FAM76B: variants seen among roughly 807,000 people sequenced by gnomAD.
FAM76B encodes the protein protein FAM76B.
A neutral mutation model predicts 51.8 loss-of-function variants in FAM76B; 16 were observed. The ratio of observed to expected loss-of-function variants is 0.31; its 90% CI spans 0.21 to 0.47. The LOEUF is 0.47. Ranked by LOEUF, FAM76B falls within the 20% of genes least tolerant of loss-of-function variation. FAM76B has a pLI of 1.00. For synonymous variants in FAM76B, 166 were observed against 129.5 expected, an observed-to-expected ratio of 1.28 and a Z score of -1.91; for missense variants, 342 against 392.6, an observed-to-expected ratio of 0.87 and a Z score of 1.09.
intron 4 of FAM76B, among the ~76,000 whole-genome samples, chr11:95,785,615 T>C (rs370692352): frequency 6.6e-6 from 1 of 152,186 alleles, no homozygotes; most frequent in Non-Finnish European, 1.5e-5. Flanking sequence ...CTAAAATTGA[T>C]AGGCAACAGG....
chr11:95,787,634 T>A lies in FAM76B; in HGVS notation c.197A>T (p.Gln66Leu). The A allele has an allele frequency of 4.3e-6, 7 of 1,610,870 alleles. No homozygotes were observed. The highest frequency in any genetic ancestry group is 5.1e-6 in the Non-Finnish European group (6 of 1,177,948). ...ICKKCAQNVK[Q>L]FGTPKPCQYC... ...ATAAGACATACTTACCGTCCCAAAT[T>A]GCTTCACATTTTGAGCACACTTCTT... The change falls in exon 3 of 10, where the codon CAA becomes CTA. Residue 66 changes from glutamine to leucine, a missense_variant. Coordinates refer to ENST00000358780, the MANE Select transcript of FAM76B (RefSeq NM_144664.5).
chr11:95,779,267 AT>A, intron 7 of FAM76B: 1 of 695,122 alleles, frequency 1.4e-6, no homozygotes, highest in Non-Finnish European at 2.3e-6. Context: ...CGCTCATAAT[AT>A]TTTTAATCTA....
intron 9 of FAM76B, 45 bp downstream of exon 9, chr11:95,775,877 T>A: frequency 1.5e-6 from 2 of 1,333,204 alleles, no homozygotes; most frequent in Non-Finnish European, 1.0e-6. Flanking sequence ...ATTACTCAAG[T>A]TTAGCCCTTC....
chr11:95,778,541 A>G (rs1215782049), intron 8 of FAM76B, among the ~76,000 whole-genome samples: 3 of 151,538 alleles, frequency 2.0e-5, no homozygotes, highest in South Asian at 2.1e-4. Flanking sequence ...CTCATTTTTA[A>G]TTAGGTATTA....
At chr11:95,778,794 A>AC in intron 8 of FAM76B, 28 bp downstream of exon 8, 1 of 1,572,152 alleles carries the variant, frequency 6.4e-7, no homozygotes, top group Non-Finnish European at 8.6e-7. Context: ...CATAACTCTT[A>AC]CCAGGCTTCA....
chr11:95,784,337 A>G (rs1221251572), intron 4 of FAM76B, among the ~76,000 whole-genome samples: 2 of 152,112 alleles, frequency 1.3e-5, no homozygotes, highest in Non-Finnish European at 2.9e-5. Flanking sequence ...ACTAATAGGT[A>G]TTAGGGTTAA....
chr11:95,775,704 A>C (rs539118752), intron 9 of FAM76B: 2 of 318,108 alleles, frequency 6.3e-6, no homozygotes, highest in Non-Finnish European at 1.1e-5. Flanking sequence ...TTTAGGCAAA[A>C]GTTTTCAAGA....
chr11:95,778,202 C>A (rs1050547312), intron 8 of FAM76B, among the ~76,000 whole-genome samples: 1 of 151,548 alleles, frequency 6.6e-6, no homozygotes, highest in Non-Finnish European at 1.5e-5. Context: ...ATCCTGATTT[C>A]ATAGCACAAG....
At chr11:95,780,709 T>C (rs1052851834) in intron 5 of FAM76B, among the ~76,000 whole-genome samples, 2 of 151,990 alleles carry the variant, frequency 1.3e-5, no homozygotes, top group Non-Finnish European at 2.9e-5. Context: ...ATTTATACGA[T>C]TTAGAAGATG....
At chr11:95,788,355 T>G (rs1052092827) in intron 2 of FAM76B, 144 bp downstream of exon 2, 2 of 658,098 alleles carry the variant, frequency 3.0e-6, no homozygotes. Flanking sequence ...TCTCCCACCA[T>G]GTATAAAAGG....
chr11:95,778,675 G>A (rs1177694276), intron 8 of FAM76B, 147 bp downstream of exon 8: 3 of 928,410 alleles, frequency 3.2e-6, no homozygotes, highest in East Asian at 6.0e-5. Flanking sequence ...TTCATTAGAT[G>A]GCTTCAGGGG....
chr11:95,773,723 C>T (rs915401039), intron 9 of FAM76B, among the ~76,000 whole-genome samples: 2 of 151,276 alleles, frequency 1.3e-5, no homozygotes, highest in Admixed American at 6.6e-5. Flanking sequence ...TCCTGGTACA[C>T]AGAAGGCACT....
At position 95,770,231 on chromosome 11, in the gene FAM76B, A is replaced by G. The variant is rs1246421520; in HGVS notation, c.*1330T>C. On this transcript the variant is annotated 3_prime_UTR_variant, in exon 10 of 10. Coordinates refer to ENST00000358780, the MANE Select transcript of FAM76B (RefSeq NM_144664.5). The stretch of plus-strand genomic sequence containing the variant: ...AAACCGCTGGATCAGAATATAGTCA[A>G]TAACTTCATATAACCTATCCCACCC... 6.6e-6 allele frequency: 1 copy of G among 151,922 alleles called. No individual in the cohort carries two copies. Among genetic ancestry groups the G allele is most frequent in the Non-Finnish European group, 1.5e-5 (1 of 67,562 alleles). 9.4% of individuals were successfully genotyped at this position (151,922 alleles called of 1,614,324 possible).
At chr11:95,780,957 C>A (rs1005716088) in intron 5 of FAM76B, among the ~76,000 whole-genome samples, 1 of 151,742 alleles carries the variant, frequency 6.6e-6, no homozygotes, top group Non-Finnish European at 1.5e-5. Context: ...AAAAAACAAA[C>A]CTTAAGACTC....
Position 95,771,319 on chromosome 11 carries a change from T to C in FAM76B, c.*242A>G. 1 of 375,912 alleles carries C rather than the reference T, an allele frequency of 2.7e-6. No homozygotes were observed. Among genetic ancestry groups the C allele is most frequent in the Non-Finnish European group, 5.0e-6 (1 of 199,270 alleles). 23.3% of individuals were successfully genotyped at this position (375,912 alleles called of 1,614,324 possible). ...ACTCCTTTACAACTGTTTAATACTA[T>C]TGCTGGCAAAAAAGTTCCTGGATAT... On this transcript the variant is annotated 3_prime_UTR_variant, in exon 10 of 10. Coordinates refer to ENST00000358780, the MANE Select transcript of FAM76B (RefSeq NM_144664.5).
rs1306076648 is a variant in FAM76B, at chr11:95,789,641, A to G, written c.-163T>C. On this transcript the variant is annotated 5_prime_UTR_variant, in exon 1 of 10. Coordinates refer to ENST00000358780, the MANE Select transcript of FAM76B (RefSeq NM_144664.5). Reference sequence around the variant, plus strand: ...GCGAGAGCCCAGGGCCCCGCGGACGACGCCACCGTCTCCCTCCGCCTCCAC... The same window carrying G: ...GCGAGAGCCCAGGGCCCCGCGGACGGCGCCACCGTCTCCCTCCGCCTCCAC... 6 of 547,152 alleles carry G rather than the reference A, an allele frequency of 1.1e-5. No homozygotes were observed. The highest frequency in any genetic ancestry group is 1.6e-5 in the Non-Finnish European group (5 of 321,356). The allele number at this position is 547,152 out of a possible 1,614,324, so 33.9% of individuals were successfully genotyped here.
Position 95,789,036 on chromosome 11 carries a change from G to A in FAM76B, c.87+356C>T, listed in dbSNP as rs944687659. 33 of 1,382,590 alleles carry A rather than the reference G, an allele frequency of 2.4e-5. No homozygotes were observed. The African/African-American group carries it at 4.2e-4, about 18-fold the overall frequency. 85.6% of individuals were successfully genotyped at this position (1,382,590 alleles called of 1,614,324 possible). A position where few individuals can be genotyped will look rare whatever the true frequency, so the allele number is the denominator to read the frequency against. ...AACCGTCCCCTGCCTCCTGGTGGAA[G>A]AAGAGGACAGACCAGGCAGAAAACC... is the stretch of plus-strand genomic sequence containing the variant. On this transcript the variant is annotated intron_variant, in intron 1 of 9. Coordinates refer to ENST00000358780, the MANE Select transcript of FAM76B (RefSeq NM_144664.5).
rs769599445 is a variant in FAM76B, at chr11:95,783,123, G to C, written c.505C>G (p.Pro169Ala). The C allele has an allele frequency of 9.3e-6, 15 of 1,612,786 alleles. No homozygotes were observed. The highest frequency in any genetic ancestry group is 1.2e-5 in the Non-Finnish European group (14 of 1,179,106). ...TGATGATGGTGGTGATGATGTTTTG[G>C]ATGATGCTGGTCTTTCTCAGTAAGA... ...SSLTEKDQHH[P>A]KHHHHHHHHH... Residue 169 changes from proline (P) to alanine (A), a missense_variant, in exon 5 of 10, where the codon CCA becomes GCA. Coordinates refer to ENST00000358780, the MANE Select transcript of FAM76B (RefSeq NM_144664.5).
At chr11:95,777,951 AG>A (rs1174024189) in intron 8 of FAM76B, among the ~76,000 whole-genome samples, 1 of 151,516 alleles carries the variant, frequency 6.6e-6, no homozygotes, top group African/African-American at 2.4e-5. Flanking sequence ...AAACAGTAAT[AG>A]CCCCTATGGG....
Sources: allele counts gnomAD v4.1 joint callset (sites outside exome capture counted in the v4.1 genomes callset), GRCh38; gene constraint gnomAD v4.1.1; transcripts MANE v1.5; gene names NCBI Gene and HGNC (gene_info 2026-07-23, HGNC 2026-07-21).